Variants in VPS35L observed in about 807,000 individuals in gnomAD.
VPS35L encodes VPS35 endosomal protein sorting factor like.
Under a neutral mutation model 133.0 loss-of-function variants are expected in VPS35L, and 83 were observed. The ratio of observed to expected loss-of-function variants is 0.62; its 90% CI spans 0.52 to 0.75. The LOEUF is 0.75. Ranked by LOEUF, VPS35L falls within the 30% of genes least tolerant of loss-of-function variation. The pLI is 0.00. For missense variants in VPS35L, 1,083 were observed against 1,206.8 expected (o/e 0.90, Z 1.52); for synonymous variants, 423 against 449.9 (o/e 0.94, Z 0.76).
chr16:19,665,184 C>T (rs896550947), intron 26 of VPS35L, among the ~76,000 whole-genome samples: 1 of 152,174 alleles, frequency 6.6e-6, no homozygotes, highest in Non-Finnish European at 1.5e-5. Flanking sequence ...ACAAACAATT[C>T]AGTTATATTC....
chr16:19,690,367 G>A (rs911046017), intron 28 of VPS35L, among the ~76,000 whole-genome samples: 3 of 152,258 alleles, frequency 2.0e-5, no homozygotes, highest in African/African-American at 7.2e-5. Flanking sequence ...CTCAGACTCA[G>A]GCTGTCCTTG....
At position 19,569,589 on chromosome 16, in the gene VPS35L, A is replaced by G; in HGVS notation, c.283A>G (p.Met95Val). Residue 95 changes from methionine (M) to valine (V), a missense_variant and splice_region_variant, in exon 3 of 31, where the codon ATG (methionine) becomes GTG (valine). Physicochemically the swap from Met to Val is conservative, Grantham distance 21. Transcript: ENST00000417362. ...TGACCCCGCAGCCTTGGCAGCTGCC[A>G]TGGTAATGCACCCCAGCCATGGTCG... ...TADPAALAAA[M>V]DSSRRKRDRD... 2 of 1,542,834 alleles carry G rather than the reference A, an allele frequency of 1.3e-6. No homozygotes were observed. The highest frequency in any genetic ancestry group is 1.7e-6 in the Non-Finnish European group (2 of 1,146,204).
At chr16:19,697,826 G>A (rs781352144) in intron 29 of VPS35L, among the ~76,000 whole-genome samples, 2 of 152,206 alleles carry the variant, frequency 1.3e-5, no homozygotes, top group Non-Finnish European at 2.9e-5. Flanking sequence ...GTGGCCTGGA[G>A]AGGGCTGTGA....
chr16:19,579,055 A>G lies in VPS35L; in HGVS notation c.437A>G (p.Lys146Arg). Residue 146 changes from lysine to arginine, a missense_variant, in exon 6 of 31, where the codon AAA becomes AGA. By Grantham distance (26) the Lys-to-Arg change is conservative (BLOSUM62 2). Coordinates refer to ENST00000417362, the MANE Select transcript of VPS35L (RefSeq NM_020314.7). Reference protein sequence around the residue: ...INLFMGSEKGKAGTATLAMSE... With the variant: ...INLFMGSEKGRAGTATLAMSE... ...GACGTAAATTCATTCTGTTTAGGCA[A>G]AGCTGGGACTGCCACATTGGCAATG... The G allele has an allele frequency of 2.5e-6, 4 of 1,614,076 alleles. No homozygotes were observed. Among genetic ancestry groups the G allele is most frequent in the Non-Finnish European group, 3.4e-6 (4 of 1,180,002 alleles).
At chr16:19,607,122 T>A (rs1296119187) in intron 9 of VPS35L, among the ~76,000 whole-genome samples, 1 of 152,212 alleles carries the variant, frequency 6.6e-6, no homozygotes, top group Non-Finnish European at 1.5e-5. Flanking sequence ...TTCCTTAAGA[T>A]GTATGTCAAG....
At chr16:19,600,990 G>A (rs551494697) in intron 8 of VPS35L, among the ~76,000 whole-genome samples, 13 of 152,270 alleles carry the variant, frequency 8.5e-5, no homozygotes, top group African/African-American at 3.1e-4. Context: ...AGGGCAGTGG[G>A]TGATCATGGC....
chr16:19,657,486 C>A (rs1388041297), intron 26 of VPS35L, among the ~76,000 whole-genome samples: 1 of 152,156 alleles, frequency 6.6e-6, no homozygotes, highest in Non-Finnish European at 1.5e-5. Flanking sequence ...TATCCGCTCA[C>A]CTGTGCTTTT....
intron 26 of VPS35L, among the ~76,000 whole-genome samples, chr16:19,663,989 G>A (rs9928414): frequency 0.35 from 52,884 of 151,722 alleles, 9,449 homozygotes; most frequent in African/African-American, 0.38. Flanking sequence ...CTGTCCTTGC[G>A]GAAGTTTCCC....
Position 19,699,310 on chromosome 16 carries a change from CCTTA to C in VPS35L, c.2647-189_2647-186del. 1.6e-6 allele frequency: 1 copy of C among 617,610 alleles called. No individual in the cohort carries two copies. Among genetic ancestry groups the C allele is most frequent in the Non-Finnish European group, 2.8e-6 (1 of 361,078 alleles). 38.3% of individuals were successfully genotyped at this position (617,610 alleles called of 1,614,324 possible). On this transcript the variant is annotated intron_variant, in intron 29 of 30. Transcript: ENST00000417362. This position sits in a 1 kb window ranked among gnomAD's most constrained non-coding sequence, Gnocchi z 4.2. ...GAATCCCCGCCCTTTGCAGGGGTGA[CCTTA>C]CTGTCACTTACAGATGAAGCAGCTG...
intron 26 of VPS35L, among the ~76,000 whole-genome samples, chr16:19,661,266 C>G (rs1974478134): frequency 6.6e-6 from 1 of 151,890 alleles, no homozygotes; most frequent in African/African-American, 2.4e-5. Flanking sequence ...CAAATGGCCC[C>G]CCTCTATTTT....
rs373593167 is a variant in VPS35L at position 19,691,408 on chromosome 16, C to A, written c.2583C>A (p.Asn861Lys). ...ACTCCAAGTTCCTGGCAGAAAACAA[C>A]AAGCTGTGTGAGACGGTGATGGCTC... ...GGDSKFLAENNKLCETVMAQI... is the reference protein window; with the variant it reads ...GGDSKFLAENKKLCETVMAQI... The change falls in exon 29 of 31, where the codon AAC becomes AAA. Residue 861 changes from asparagine (N) to lysine (K), a missense_variant. Transcript: ENST00000417362. The A allele has an allele frequency of 6.2e-7, 1 of 1,614,090 alleles. No individual in the cohort carries two copies. Among genetic ancestry groups the A allele is most frequent in the African/African-American group, 1.3e-5 (1 of 75,050 alleles).
intron 29 of VPS35L, among the ~76,000 whole-genome samples, chr16:19,698,316 A>G (rs1476459507): frequency 3.3e-5 from 5 of 152,068 alleles, no homozygotes; most frequent in Non-Finnish European, 7.3e-5. Flanking sequence ...GGTTCTCCTC[A>G]TGCCTTGAAT....
intron 8 of VPS35L, among the ~76,000 whole-genome samples, chr16:19,599,053 G>A (rs1972301618): frequency 6.6e-6 from 1 of 152,164 alleles, no homozygotes; most frequent in South Asian, 2.1e-4. Flanking sequence ...TGGCGCTATA[G>A]GGAACCCAGA....
intron 9 of VPS35L, among the ~76,000 whole-genome samples, chr16:19,605,222 T>C (rs1972504064): frequency 6.6e-6 from 1 of 152,154 alleles, no homozygotes; most frequent in African/African-American, 2.4e-5. Flanking sequence ...CTGCCTTCTC[T>C]TAAAATACCC....
rs1972672242 is a variant in VPS35L at position 19,610,325 on chromosome 16, A to G, written c.933A>G (p.Gly311=). 1 of 1,613,700 alleles carries G rather than the reference A, an allele frequency of 6.2e-7. No homozygotes were observed. The highest frequency in any genetic ancestry group is 1.7e-5 in the Admixed American group (1 of 59,976). The change falls in exon 12 of 31, where the codon GGA becomes GGG. Residue 311 remains glycine, a synonymous_variant. Coordinates refer to ENST00000417362, the MANE Select transcript of VPS35L (RefSeq NM_020314.7). ...GGCCTGTTTTTGTCTCTTGCAGGGG[A>G]ATTTCAGAGTGCCTGCCCCGGTTGA... ...LKCNKFLSKT[G]ISECLPRLTC...
At chr16:19,637,679 C>T (rs777855780) in intron 20 of VPS35L, 23 bp downstream of exon 20, 1 of 1,523,494 alleles carries the variant, frequency 6.6e-7, no homozygotes. Flanking sequence ...TCTTAATTAT[C>T]TTTGGAAATT....
chr16:19,634,017 C>T (rs901346460), intron 19 of VPS35L, among the ~76,000 whole-genome samples: 6 of 152,266 alleles, frequency 3.9e-5, no homozygotes, highest in Middle Eastern at 3.4e-3. Flanking sequence ...TGAGCCACTG[C>T]ACCCGGCCAA....
chr16:19,563,938 C>G (rs948590917), intron 1 of VPS35L, among the ~76,000 whole-genome samples: 1 of 152,214 alleles, frequency 6.6e-6, no homozygotes, highest in Non-Finnish European at 1.5e-5. Flanking sequence ...TGGCGTCAGC[C>G]TCTTGTCCTG....
chr16:19,670,075 C>T (rs2039010093), intron 27 of VPS35L, among the ~76,000 whole-genome samples: 1 of 152,294 alleles, frequency 6.6e-6, no homozygotes, highest in Non-Finnish European at 1.5e-5. Flanking sequence ...AAGTGATTCT[C>T]CCGCCTCAGC....
Sources: allele counts gnomAD v4.1 joint callset (sites outside exome capture counted in the v4.1 genomes callset), GRCh38; gene constraint gnomAD v4.1.1; non-coding constraint Gnocchi (gnomAD v3.1); transcripts MANE v1.5; gene names NCBI Gene and HGNC (gene_info 2026-07-23, HGNC 2026-07-21).